CADM2: variants seen among roughly 807,000 people sequenced by gnomAD.
CADM2 encodes the protein immunoglobulin superfamily member 4D.
In CADM2, 12 loss-of-function variants were observed where a neutral mutation model predicts 49.8. The ratio of observed to expected loss-of-function variants is 0.24; its 90% CI spans 0.15 to 0.39. CADM2 has a LOEUF of 0.39. CADM2 is among the 10% of genes least tolerant of loss of function. CADM2 has a pLI of 1.00. For synonymous variants in CADM2, 214 were observed against 175.4 expected (o/e 1.22, Z -1.74); for missense variants, 378 against 492.3 (o/e 0.77, Z 2.20).
At chr3:85,083,415 C>G (rs1251095731) in intron 1 of CADM2, among the ~76,000 whole-genome samples, 1 of 152,112 alleles carries the variant, frequency 6.6e-6, no homozygotes, top group African/African-American at 2.4e-5. Flanking sequence ...ACCTTTTCTT[C>G]TCCTTCATCT....
chr3:86,072,506 A>G lies in CADM2; in HGVS notation c.*5723A>G, dbSNP rs746628746. 3 of 152,078 alleles carry G rather than the reference A, an allele frequency of 2.0e-5. No homozygotes were observed. Among genetic ancestry groups the G allele is most frequent in the Non-Finnish European group, 4.4e-5 (3 of 67,968 alleles). The allele number at this position is 152,078 out of a possible 1,614,324, so 9.4% of individuals were successfully genotyped here. A position where few individuals can be genotyped will look rare whatever the true frequency, so the allele number is the denominator to read the frequency against. On this transcript the variant is annotated 3_prime_UTR_variant, in exon 10 of 10. Transcript: ENST00000383699. ...GATATTTGAAGATTGCAGGGGCAAA[A>G]CAAAAACCTACCAGGGCTCAGCACT...
chr3:85,858,012 A>G (rs1345923289), intron 3 of CADM2, among the ~76,000 whole-genome samples: 1 of 152,210 alleles, frequency 6.6e-6, no homozygotes, highest in East Asian at 1.9e-4. Flanking sequence ...ATTAACTTTC[A>G]GTCCTAATCA....
chr3:85,521,899 G>A (rs62252461), intron 1 of CADM2, among the ~76,000 whole-genome samples: 44,160 of 151,932 alleles, frequency 0.29, 7,620 homozygotes, highest in East Asian at 0.55. Flanking sequence ...CACACTTACT[G>A]ATGGGATTCT....
intron 1 of CADM2, among the ~76,000 whole-genome samples, chr3:85,448,104 G>T (rs1048951205): frequency 5.3e-5 from 8 of 151,944 alleles, no homozygotes; most frequent in Non-Finnish European, 1.0e-4. Context: ...GGGCGAGGCG[G>T]GCGGATCACG....
chr3:85,514,334 C>T (rs1485919980), intron 1 of CADM2, among the ~76,000 whole-genome samples: 1 of 152,014 alleles, frequency 6.6e-6, no homozygotes, highest in Non-Finnish European at 1.5e-5. Flanking sequence ...TAAAAACCTA[C>T]ATAATTGTAA....
chr3:85,873,750 T>G (rs1273200919), intron 3 of CADM2, among the ~76,000 whole-genome samples: 1 of 152,214 alleles, frequency 6.6e-6, no homozygotes. Context: ...TTTTAAAATT[T>G]TTATTACTCA....
intron 1 of CADM2, among the ~76,000 whole-genome samples, chr3:85,182,957 C>T (rs953301004): frequency 1.3e-5 from 2 of 152,048 alleles, no homozygotes; most frequent in African/African-American, 4.8e-5. Flanking sequence ...TATGTTTAGA[C>T]TGTATCATTT....
At chr3:85,718,167 A>G (rs777294227) in intron 1 of CADM2, among the ~76,000 whole-genome samples, 4 of 152,218 alleles carry the variant, frequency 2.6e-5, no homozygotes, top group Non-Finnish European at 5.9e-5. Flanking sequence ...TATTATATGT[A>G]TATATAACCC....
chr3:85,955,188 A>G (rs1269888138), intron 7 of CADM2, among the ~76,000 whole-genome samples: 1 of 151,362 alleles, frequency 6.6e-6, no homozygotes, highest in Non-Finnish European at 1.5e-5. Flanking sequence ...CATTTTTTTC[A>G]AATAGGAAAG....
At chr3:85,533,380 A>G (rs2061361175) in intron 1 of CADM2, among the ~76,000 whole-genome samples, 2 of 152,278 alleles carry the variant, frequency 1.3e-5, no homozygotes, top group South Asian at 4.1e-4. Flanking sequence ...TGAAACTATT[A>G]TGCATACTTT....
intron 3 of CADM2, among the ~76,000 whole-genome samples, chr3:85,829,919 G>A (rs752787394): frequency 2.0e-5 from 3 of 151,784 alleles, no homozygotes; most frequent in Non-Finnish European, 4.4e-5. Context: ...TTATCCATTG[G>A]TGGACTCTTA....
At chr3:85,505,192 G>C (rs1388025275) in intron 1 of CADM2, among the ~76,000 whole-genome samples, 1 of 152,254 alleles carries the variant, frequency 6.6e-6, no homozygotes, top group South Asian at 2.1e-4. Context: ...AGGAGGCGCC[G>C]AGAGCGAGGG....
At chr3:85,014,649 G>A (rs1007629808) in intron 1 of CADM2, among the ~76,000 whole-genome samples, 10 of 152,110 alleles carry the variant, frequency 6.6e-5, no homozygotes, top group Non-Finnish European at 1.2e-4. Context: ...TAGTGGTTTT[G>A]GCTCAGGGTC....
chr3:85,322,323 T>A (rs1006555725), intron 1 of CADM2, among the ~76,000 whole-genome samples: 1 of 152,246 alleles, frequency 6.6e-6, no homozygotes, highest in African/African-American at 2.4e-5. Flanking sequence ...GGTGTTGTCA[T>A]CTTGTTATCA....
chr3:85,180,514 GAAAAAAAA>G (rs58932967), intron 1 of CADM2, among the ~76,000 whole-genome samples: 1 of 77,296 alleles, frequency 1.3e-5, no homozygotes, highest in East Asian at 3.9e-4. Context: ...GTCTCAAAAA[GAAAAAAAA>G]AAAAAAAAAA....
chr3:85,250,338 G>A (rs1041009611), intron 1 of CADM2, among the ~76,000 whole-genome samples: 4 of 151,454 alleles, frequency 2.6e-5, no homozygotes, highest in East Asian at 3.9e-4. Flanking sequence ...TAAAATATAC[G>A]ACTTGGTTTA....
At chr3:85,608,242 G>A (rs1241094526) in intron 1 of CADM2, among the ~76,000 whole-genome samples, 1 of 151,998 alleles carries the variant, frequency 6.6e-6, no homozygotes, top group Non-Finnish European at 1.5e-5. Context: ...ATACACTCAT[G>A]TGTTGCAAAG....
Position 85,354,422 on chromosome 3 carries a change from G to A in CADM2, c.62-372100G>A, listed in dbSNP as rs371737144. Among the ~76,000 whole-genome samples the A allele has an allele frequency of 4.2e-4, 63 of 151,112 alleles. No homozygotes were observed. In the East Asian group the frequency reaches 8.8e-3, roughly 21 times the overall value. The stretch of plus-strand genomic sequence containing the variant: ...AATGCTAAATGACGAGTTAATGGGT[G>A]CAGCACACCAACATGGCACATGTAT... On this transcript the variant is annotated intron_variant, in intron 1 of 9. Transcript: ENST00000383699.
intron 7 of CADM2, among the ~76,000 whole-genome samples, chr3:85,943,997 G>C (rs1193834707): frequency 6.6e-6 from 1 of 151,942 alleles, no homozygotes; most frequent in East Asian, 1.9e-4. Flanking sequence ...AAACAGTCAA[G>C]ACCTATCAGT....
Sources: gnomAD v4.1 joint callset for allele counts (sites outside exome capture counted in the v4.1 genomes callset) on GRCh38, gnomAD v4.1.1 for gene constraint, MANE v1.5 for transcripts, NCBI Gene and HGNC (gene_info 2026-07-23, HGNC 2026-07-21) for gene names.